Variants in TNIP1 observed in about 807,000 individuals in gnomAD.
TNIP1 encodes the protein TNFAIP3 interacting protein 1, also known as TNFAIP3-interacting protein 1.
A neutral mutation model predicts 86.6 loss-of-function variants in TNIP1; 22 were observed. The ratio of observed to expected loss-of-function variants is 0.25; its 90% CI spans 0.18 to 0.36. The LOEUF (loss-of-function observed/expected upper bound fraction) is 0.36. TNIP1 is among the 10% of genes least tolerant of loss of function. The pLI is 1.00. For synonymous variants in TNIP1, 294 were observed against 313.0 expected (o/e 0.94, Z 0.64); for missense variants, 709 against 820.6 (o/e 0.86, Z 1.66).
intron 14 of TNIP1, 126 bp downstream of exon 14, chr5:151,035,456 A>G: frequency 7.1e-7 from 1 of 1,416,224 alleles, no homozygotes; most frequent in Non-Finnish European, 9.7e-7. Context: ...GAGCTCAAAT[A>G]TGATTGCAGA....
chr5:151,086,082 G>A (rs1048071758), intron 1 of TNIP1, among the ~76,000 whole-genome samples: 2 of 152,134 alleles, frequency 1.3e-5, no homozygotes, highest in Non-Finnish European at 2.9e-5. Flanking sequence ...GAAGAGGGCC[G>A]TTTGGATGAA....
intron 1 of TNIP1, among the ~76,000 whole-genome samples, chr5:151,079,478 G>A (rs944101961): frequency 6.6e-6 from 1 of 152,114 alleles, no homozygotes; most frequent in African/African-American, 2.4e-5. Flanking sequence ...AAAAAAATTA[G>A]CCGGGGATGG....
At chr5:151,041,065 G>A (rs1311141094) in intron 11 of TNIP1, among the ~76,000 whole-genome samples, 4 of 147,584 alleles carry the variant, frequency 2.7e-5, no homozygotes, top group South Asian at 4.3e-4. Flanking sequence ...CTTCTTCTTC[G>A]TAGTACTTTT....
upstream of TNIP1, among the ~76,000 whole-genome samples, chr5:151,082,731 CAT>C (rs1366043976): frequency 2.0e-5 from 3 of 152,196 alleles, no homozygotes; most frequent in Non-Finnish European, 4.4e-5. Flanking sequence ...TCAAGCTTGA[CAT>C]AAAAAAATGG....
At chr5:151,038,555 T>C (rs1342894535) in intron 12 of TNIP1, among the ~76,000 whole-genome samples, 1 of 152,172 alleles carries the variant, frequency 6.6e-6, no homozygotes, top group South Asian at 2.1e-4. Context: ...CCCATCTCCC[T>C]GGATCCCACT....
upstream of TNIP1, among the ~76,000 whole-genome samples, chr5:151,081,236 T>C (rs1217748496): frequency 6.6e-6 from 1 of 151,916 alleles, no homozygotes; most frequent in Non-Finnish European, 1.5e-5. Context: ...AGGAGCGACT[T>C]CCCTGGGGCC....
At chr5:151,065,442 T>C (rs923669982) in intron 1 of TNIP1, among the ~76,000 whole-genome samples, 5 of 151,952 alleles carry the variant, frequency 3.3e-5, no homozygotes, top group Non-Finnish European at 5.9e-5. Flanking sequence ...AAAAAAAAAA[T>C]CTGAGTTCAT....
intron 1 of TNIP1, among the ~76,000 whole-genome samples, chr5:151,072,376 A>G (rs1414014925): frequency 6.6e-6 from 1 of 152,172 alleles, no homozygotes; most frequent in Non-Finnish European, 1.5e-5. Flanking sequence ...GCTGGAAGGG[A>G]GCTCAGAGGA....
At position 151,046,807 on chromosome 5, in the gene TNIP1, G is replaced by A. The variant is rs1759236497; in HGVS notation, c.847-857C>T. 5.3e-5 allele frequency among the ~76,000 whole-genome samples: 8 copies of A among 152,170 alleles called. No homozygotes were observed. In the South Asian group the frequency reaches 1.7e-3, roughly 32 times the overall value. On this transcript the variant is annotated intron_variant, in intron 8 of 17. Coordinates refer to ENST00000521591, the MANE Select transcript of TNIP1 (RefSeq NM_006058.5). ...CAATAGTATTGGATTATAAGTCACA[G>A]TATGAAATAAATACTCTTGAGTTCA...
At chr5:151,062,246 G>A (rs757978757) in intron 3 of TNIP1, 34 bp from the exon 4 acceptor site, 6 of 1,600,004 alleles carry the variant, frequency 3.7e-6, no homozygotes, top group Non-Finnish European at 5.1e-6. Flanking sequence ...TGAACTGACT[G>A]GGAAGGGGAG....
chr5:151,065,738 T>G (rs892758596), intron 1 of TNIP1, among the ~76,000 whole-genome samples: 4 of 152,208 alleles, frequency 2.6e-5, no homozygotes, highest in African/African-American at 7.2e-5. Flanking sequence ...GTGTATCATC[T>G]TCTTTAAAAA....
upstream of TNIP1, among the ~76,000 whole-genome samples, chr5:151,081,807 G>T (rs528146693): frequency 2.0e-4 from 31 of 152,298 alleles, 2 homozygotes; most frequent in South Asian, 2.5e-3. Flanking sequence ...TTATATGTGG[G>T]CTAGATAATC....
At chr5:151,039,076 G>T in intron 12 of TNIP1, 21 bp downstream of exon 12, 1 of 1,607,552 alleles carries the variant, frequency 6.2e-7, no homozygotes, top group South Asian at 1.1e-5. Context: ...CCAGCCAAGG[G>T]ACCCGGGCCA....
chr5:151,030,185 A>G lies in TNIP1; in HGVS notation c.*528T>C, dbSNP rs1756725055. 1 of 456,388 alleles carries G rather than the reference A, an allele frequency of 2.2e-6. No individual in the cohort carries two copies. The highest frequency in any genetic ancestry group is 2.0e-5 in the African/African-American group (1 of 50,216). 28.3% of individuals were successfully genotyped at this position (456,388 alleles called of 1,614,324 possible). A position where few individuals can be genotyped will look rare whatever the true frequency, so the allele number is the denominator to read the frequency against. ...TGAGTGGTGGTGGAGAGGGCCCCAG[A>G]GCCAGAATATCCATCATTCTCTTCT... is the stretch of plus-strand genomic sequence containing the variant. On this transcript the variant is annotated 3_prime_UTR_variant, in exon 18 of 18. Coordinates refer to ENST00000521591, the MANE Select transcript of TNIP1 (RefSeq NM_006058.5).
chr5:151,035,529 CCT>C, intron 14 of TNIP1, 51 bp downstream of exon 14: 1 of 1,613,182 alleles, frequency 6.2e-7, no homozygotes, highest in Non-Finnish European at 8.5e-7. Context: ...ATCCATGCCC[CCT>C]CTCCCCACGA....
At chr5:151,059,126 G>A (rs1761058260) in intron 5 of TNIP1, among the ~76,000 whole-genome samples, 1 of 152,214 alleles carries the variant, frequency 6.6e-6, no homozygotes, top group African/African-American at 2.4e-5. Flanking sequence ...GCACAGGGAG[G>A]CTGTGTTGTC....
chr5:151,044,002 A>C (rs1561826512), intron 9 of TNIP1, among the ~76,000 whole-genome samples: 1 of 152,214 alleles, frequency 6.6e-6, no homozygotes, highest in Non-Finnish European at 1.5e-5. Context: ...TATGATAAAA[A>C]AAATTACAAA....
At position 151,043,789 on chromosome 5, in the gene TNIP1, A is replaced by G. The variant is rs534691184; in HGVS notation, c.937-828T>C. 9.4e-5 allele frequency among the ~76,000 whole-genome samples: 14 copies of G among 149,162 alleles called. No homozygotes were observed. In the South Asian group the frequency reaches 2.9e-3, roughly 31 times the overall value. ...AGACCCTATCTTAAAAAAAAAAAAGAAAAGAAAAAAAGAAAACAGAAAATA... is the reference window on the plus strand; with the variant it reads ...AGACCCTATCTTAAAAAAAAAAAAGGAAAGAAAAAAAGAAAACAGAAAATA... On this transcript the variant is annotated intron_variant, in intron 9 of 17. Transcript: ENST00000521591.
chr5:151,051,251 T>G (rs552061882), intron 7 of TNIP1, among the ~76,000 whole-genome samples: 33 of 152,356 alleles, frequency 2.2e-4, no homozygotes, highest in South Asian at 1.0e-3. Context: ...TGGCCATACT[T>G]ACAAAGTTTA....
Sources: gnomAD v4.1 joint callset for allele counts (sites outside exome capture counted in the v4.1 genomes callset) on GRCh38, gnomAD v4.1.1 for gene constraint, MANE v1.5 for transcripts, NCBI Gene and HGNC (gene_info 2026-07-23, HGNC 2026-07-21) for gene names.